CHP1: variants seen among roughly 807,000 people sequenced by gnomAD.
CHP1 encodes calcineurin like EF-hand protein 1, also known as calcineurin B homologous protein 1.
A neutral mutation model predicts 27.4 loss-of-function variants in CHP1; 11 were observed. That is an observed-to-expected ratio of 0.40 (90% CI 0.25 to 0.67). The LOEUF (loss-of-function observed/expected upper bound fraction) is 0.67. Among genes scored for constraint, CHP1 ranks in the 30% least tolerant of loss-of-function variants. The pLI is 0.38. For synonymous variants in CHP1, 89 were observed against 87.4 expected, an observed-to-expected ratio of 1.02 and a Z score of -0.10; for missense variants, 169 against 251.3, an observed-to-expected ratio of 0.67 and a Z score of 2.22.
chr15:41,242,171 T>C (rs1274645047), intron 1 of CHP1, among the ~76,000 whole-genome samples: 5 of 152,184 alleles, frequency 3.3e-5, no homozygotes, highest in African/African-American at 1.2e-4. Context: ...TTTTACGAAT[T>C]TGCCTAATTT....
At chr15:41,256,015 T>C (rs1343871772) in intron 2 of CHP1, among the ~76,000 whole-genome samples, 2 of 151,934 alleles carry the variant, frequency 1.3e-5, no homozygotes, top group Non-Finnish European at 2.9e-5. Flanking sequence ...AGACTCTGTC[T>C]CAAAAAAAAG....
chr15:41,237,601 C>A (rs542529262), intron 1 of CHP1, among the ~76,000 whole-genome samples: 4 of 152,164 alleles, frequency 2.6e-5, no homozygotes, highest in Non-Finnish European at 2.9e-5. Context: ...TAGTCTATTC[C>A]GGGAAGCGCA....
rs942536455 is a variant in CHP1 at position 41,253,378 on chromosome 15, G to C, written c.141-3532G>C. 2.6e-5 allele frequency among the ~76,000 whole-genome samples: 4 copies of C among 152,112 alleles called. No homozygotes were observed. The South Asian group carries it at 8.3e-4, about 32-fold the overall frequency. ...TCTACATTCTACTATAAAGCAACCA[G>C]TAATAATAACTTGTTCGTATATTAT... On this transcript the variant is annotated intron_variant, in intron 2 of 6. Transcript: ENST00000334660.
At chr15:41,239,872 G>A (rs1308133231) in intron 1 of CHP1, among the ~76,000 whole-genome samples, 1 of 152,000 alleles carries the variant, frequency 6.6e-6, no homozygotes, top group Admixed American at 6.6e-5. Flanking sequence ...CGCCTCCCAG[G>A]TTCAAACCAT....
Position 41,236,987 on chromosome 15 carries a change from G to C in CHP1, c.67+5538G>C, listed in dbSNP as rs368946984. On this transcript the variant is annotated intron_variant, in intron 1 of 6. Coordinates refer to ENST00000334660, the MANE Select transcript of CHP1 (RefSeq NM_007236.5). ...TGGGATTACAGGTGCCTGCCACCAG[G>C]CCTGGCTAATTTTTTGTATTTTTAG... 4.0e-5 allele frequency among the ~76,000 whole-genome samples: 6 copies of C among 150,906 alleles called. No individual in the cohort carries two copies. The South Asian group carries it at 8.4e-4, about 21-fold the overall frequency.
intron 3 of CHP1, among the ~76,000 whole-genome samples, 197 bp downstream of exon 3, chr15:41,257,187 T>C (rs2047404980): frequency 6.6e-6 from 1 of 152,240 alleles, no homozygotes; most frequent in South Asian, 2.1e-4. Flanking sequence ...CAAATAGATA[T>C]ATGAGCCTAT....
At chr15:41,247,913 G>C (rs147737117) in intron 2 of CHP1, among the ~76,000 whole-genome samples, 4,620 of 151,336 alleles carry the variant, frequency 0.031, 257 homozygotes, top group African/African-American at 0.11. Context: ...AGCTTTCAGT[G>C]AGCCGAGATC....
intron 5 of CHP1, among the ~76,000 whole-genome samples, chr15:41,275,960 G>A (rs950012395): frequency 6.6e-6 from 1 of 152,134 alleles, no homozygotes; most frequent in African/African-American, 2.4e-5. Context: ...TAAATTACAG[G>A]CCGGGCGCAG....
At chr15:41,257,708 T>C (rs917388494) in intron 3 of CHP1, among the ~76,000 whole-genome samples, 1 of 151,826 alleles carries the variant, frequency 6.6e-6, no homozygotes, top group Non-Finnish European at 1.5e-5. Context: ...TACAGCCACA[T>C]GCCACCATAC....
chr15:41,251,013 T>G (rs1447558971), intron 2 of CHP1, among the ~76,000 whole-genome samples: 1 of 152,096 alleles, frequency 6.6e-6, no homozygotes, highest in African/African-American at 2.4e-5. Flanking sequence ...TTTTTTATTT[T>G]TAGTAGAGAC....
Position 41,258,975 on chromosome 15 carries a change from G to A in CHP1, c.221+1985G>A, listed in dbSNP as rs569978553. 5.3e-5 allele frequency among the ~76,000 whole-genome samples: 8 copies of A among 152,254 alleles called. No individual in the cohort carries two copies. In the East Asian group the frequency reaches 1.5e-3, roughly 29 times the overall value. ...TGAAAGTCAGAAGGGGAATTAGGTC[G>A]GGCAGTTAGTTCATGTAAAGATGGG... On this transcript the variant is annotated intron_variant, in intron 3 of 6. Coordinates refer to ENST00000334660, the MANE Select transcript of CHP1 (RefSeq NM_007236.5).
chr15:41,274,338 G>A (rs1443242079), intron 5 of CHP1, among the ~76,000 whole-genome samples: 1 of 152,206 alleles, frequency 6.6e-6, no homozygotes, highest in Non-Finnish European at 1.5e-5. Context: ...GGCCTGGGCA[G>A]ATAGCTCATG....
At chr15:41,248,103 C>G (rs977579342) in intron 2 of CHP1, among the ~76,000 whole-genome samples, 10 of 152,036 alleles carry the variant, frequency 6.6e-5, no homozygotes, top group Non-Finnish European at 1.3e-4. Context: ...TAGGTATTTA[C>G]TGACTATCTA....
chr15:41,241,073 G>A (rs949821238), intron 1 of CHP1, among the ~76,000 whole-genome samples: 4 of 152,112 alleles, frequency 2.6e-5, no homozygotes, highest in South Asian at 4.1e-4. Context: ...GGATGGTCTC[G>A]ATCTCTTTTC....
At chr15:41,271,791 C>G (rs1241950025) in intron 5 of CHP1, among the ~76,000 whole-genome samples, 1 of 152,230 alleles carries the variant, frequency 6.6e-6, no homozygotes, top group East Asian at 1.9e-4. Context: ...CCAAAACAGT[C>G]TTCAGGTCAG....
intron 6 of CHP1, 42 bp from the exon 7 acceptor site, chr15:41,279,294 A>G (rs1180780332): frequency 6.6e-7 from 1 of 1,506,938 alleles, no homozygotes; most frequent in Non-Finnish European, 9.2e-7. Flanking sequence ...GAGTGTTGTA[A>G]TCTTCATAAC....
At chr15:41,271,254 CAAAAAAAAAAA>C (rs143070752) in intron 5 of CHP1, among the ~76,000 whole-genome samples, 3 of 75,714 alleles carry the variant, frequency 4.0e-5, no homozygotes, top group Non-Finnish European at 7.4e-5. Flanking sequence ...GATTCCGTCT[CAAAAAAAAAAA>C]AAAAAAAAAA....
At chr15:41,272,333 A>G (rs1162213458) in intron 5 of CHP1, 1 of 151,946 alleles carries the variant, frequency 6.6e-6, no homozygotes, top group Admixed American at 6.6e-5. Flanking sequence ...AGCTTATTGT[A>G]TATTATTTAT....
At chr15:41,268,832 C>T (rs531048613) in intron 4 of CHP1, among the ~76,000 whole-genome samples, 3 of 148,872 alleles carry the variant, frequency 2.0e-5, no homozygotes, top group South Asian at 2.2e-4. Flanking sequence ...TGGTGGTGGG[C>T]GCCTGTAGTC....
Sources: gnomAD v4.1 joint callset for allele counts (sites outside exome capture counted in the v4.1 genomes callset) on GRCh38, gnomAD v4.1.1 for gene constraint, MANE v1.5 for transcripts, NCBI Gene and HGNC (gene_info 2026-07-23, HGNC 2026-07-21) for gene names.